GAK: variants seen among roughly 807,000 people sequenced by gnomAD.
GAK encodes cyclin-G-associated kinase.
GAK carries 79 observed loss-of-function variants against 143.9 expected under a neutral mutation model. The ratio of observed to expected loss-of-function variants is 0.55; its 90% CI spans 0.46 to 0.66. The LOEUF is 0.66. GAK is among the 30% of genes least tolerant of loss of function. GAK has a pLI of 0.00. For missense variants in GAK, 1,693 were observed against 1,779.7 expected, an observed-to-expected ratio of 0.95 and a Z score of 0.88; for synonymous variants, 881 against 765.5, an observed-to-expected ratio of 1.15 and a Z score of -2.49.
rs555363644 is a variant in GAK, at chr4:909,068, A to C, written c.382+2605T>G. Among the ~76,000 whole-genome samples the C allele has an allele frequency of 3.7e-3, 556 of 152,288 alleles. 3 individuals carry two copies. Among genetic ancestry groups the C allele is most frequent in the Non-Finnish European group, 6.1e-3 (416 of 68,026 alleles). On this transcript the variant is annotated intron_variant, in intron 4 of 27. Transcript: ENST00000314167. ...AGCCATGTTGGCCAGGCTAGTCTCG[A>C]ACTCCTCACCTCAAGCGATGCACCC...
chr4:903,556 G>C (rs1720378008), intron 5 of GAK, among the ~76,000 whole-genome samples: 2 of 145,044 alleles, frequency 1.4e-5, no homozygotes, highest in Admixed American at 1.4e-4. Context: ...GTGAGCAGGA[G>C]TTGGGGGCCT....
rs1277434123 is a variant in GAK at position 856,473 on chromosome 4, TCAC to T, written c.3283+3130_3283+3132del. Among the ~76,000 whole-genome samples the T allele has an allele frequency of 1.9e-3, 262 of 138,570 alleles. 2 individuals are homozygous for T. The highest frequency in any genetic ancestry group is 5.9e-3 in the African/African-American group (216 of 36,314). 90.9% of individuals were successfully genotyped at this position (138,570 alleles called of 152,430 possible). ...CACTACAGCTGCTCACCACAGCTGC[TCAC>T]CACCACAGCTGCTCACACCTACTCA... On this transcript the variant is annotated intron_variant, in intron 24 of 27. Transcript: ENST00000314167.
rs547163840 is a variant in GAK at position 893,733 on chromosome 4, C to T, written c.877+141G>A. Reference sequence around the variant, plus strand: ...AGGGGAGCTCTCTGGAAACCCCCCCCCCAGGGATGTTGTCAAAACTATGGT... The same window carrying T: ...AGGGGAGCTCTCTGGAAACCCCCCCTCCAGGGATGTTGTCAAAACTATGGT... On this transcript the variant is annotated intron_variant, in intron 8 of 27. Coordinates refer to ENST00000314167, the MANE Select transcript of GAK (RefSeq NM_005255.4). 4 of 1,082,984 alleles carry T rather than the reference C, an allele frequency of 3.7e-6. No homozygotes were observed. In the African/African-American group the frequency reaches 4.9e-5, roughly 13 times the overall value. 67.1% of individuals were successfully genotyped at this position (1,082,984 alleles called of 1,614,324 possible). A position where few individuals can be genotyped will look rare whatever the true frequency, so the allele number is the denominator to read the frequency against.
Position 911,800 on chromosome 4 carries a change from T to G in GAK, c.268-13A>C, listed in dbSNP as rs1185764613. 1.9e-6 allele frequency: 3 copies of G among 1,599,386 alleles called. No homozygotes were observed. The highest frequency in any genetic ancestry group is 2.6e-6 in the Non-Finnish European group (3 of 1,166,848). ...CGGAAAGCTTTTTCTGCAGTTGTCT[T>G]GTTAAAGGAGAACGTACATAACCAT... On this transcript the variant is annotated splice_polypyrimidine_tract_variant and intron_variant, in intron 3 of 27. Coordinates refer to ENST00000314167, the MANE Select transcript of GAK (RefSeq NM_005255.4).
chr4:931,769 T>G (rs1725863997), intron 1 of GAK, among the ~76,000 whole-genome samples: 1 of 150,314 alleles, frequency 6.7e-6, no homozygotes, highest in Non-Finnish European at 1.5e-5. Context: ...GACTTGACCC[T>G]ACTCTTATGA....
At chr4:882,874 G>A (rs1442653747) in intron 13 of GAK, 55 bp from the exon 14 acceptor site, 10 of 1,588,052 alleles carry the variant, frequency 6.3e-6, no homozygotes, top group Admixed American at 1.7e-5. Flanking sequence ...CCCCAGCCTT[G>A]GTCAGCTAGG....
At chr4:931,054 C>T (rs1334600970) in intron 1 of GAK, among the ~76,000 whole-genome samples, 1 of 152,194 alleles carries the variant, frequency 6.6e-6, no homozygotes, top group Non-Finnish European at 1.5e-5. Context: ...CTGTGTTTAG[C>T]CCATAAACTT....
intron 1 of GAK, among the ~76,000 whole-genome samples, chr4:917,106 T>C (rs989555301): frequency 1.3e-5 from 2 of 152,186 alleles, no homozygotes; most frequent in Non-Finnish European, 2.9e-5. Context: ...ATACAGTCAA[T>C]GTACAGAAAA....
chr4:912,243 T>C, intron 3 of GAK: 2 of 441,316 alleles, frequency 4.5e-6, no homozygotes, highest in Admixed American at 2.4e-5. Context: ...AGGAGGGACA[T>C]GTGGCAGTGG....
At chr4:916,396 A>G (rs1723094177) in intron 1 of GAK, among the ~76,000 whole-genome samples, 1 of 152,158 alleles carries the variant, frequency 6.6e-6, no homozygotes, top group African/African-American at 2.4e-5. Context: ...CTGGGACTAC[A>G]GGCATGCGTC....
Position 881,963 on chromosome 4 carries a change from G to T in GAK, c.1605C>A (p.Ala535=). 1 of 1,601,308 alleles carries T rather than the reference G, an allele frequency of 6.2e-7. No individual in the cohort carries two copies. Among genetic ancestry groups the T allele is most frequent in the Non-Finnish European group, 8.5e-7 (1 of 1,174,198 alleles). ...FCRLFSTAEA[A]VYMFSMKRCP... ...AGCGCTTCATGCTGAACATGTACAC[G>T]GCGGCCTCCGCGGTGCTGAAGAGAC... Residue 535 remains alanine (A), a synonymous_variant, in exon 15 of 28, where the codon GCC becomes GCA. Coordinates refer to ENST00000314167, the MANE Select transcript of GAK (RefSeq NM_005255.4).
intron 24 of GAK, chr4:852,283 G>A: frequency 2.3e-6 from 1 of 439,150 alleles, no homozygotes; most frequent in South Asian, 2.5e-5. Flanking sequence ...CACGGGGGTT[G>A]GGGCAGTGTC....
At chr4:895,982 C>T (rs1044135018) in intron 7 of GAK, among the ~76,000 whole-genome samples, 2 of 152,228 alleles carry the variant, frequency 1.3e-5, no homozygotes, top group South Asian at 4.1e-4. Flanking sequence ...CAAGGTTGGG[C>T]AGGGTGCAGT....
chr4:862,403 G>T (rs1198556983), intron 23 of GAK, among the ~76,000 whole-genome samples: 1 of 152,258 alleles, frequency 6.6e-6, no homozygotes, highest in African/African-American at 2.4e-5. Flanking sequence ...TCTCACGCCT[G>T]TAATCCCAGC....
At chr4:905,894 G>C (rs1302083123) in intron 4 of GAK, among the ~76,000 whole-genome samples, 1 of 152,380 alleles carries the variant, frequency 6.6e-6, no homozygotes, top group East Asian at 1.9e-4. Context: ...GCCCACCTCA[G>C]CCCCGTGTGT....
chr4:876,445 G>C, intron 18 of GAK, 85 bp downstream of exon 18: 1 of 1,194,076 alleles, frequency 8.4e-7, no homozygotes, highest in Admixed American at 1.7e-5. Flanking sequence ...CACTCCCCCT[G>C]GGGCTCCCAC....
chr4:919,149 G>A (rs1020197557), intron 1 of GAK, among the ~76,000 whole-genome samples: 3 of 149,374 alleles, frequency 2.0e-5, no homozygotes, highest in African/African-American at 5.0e-5. Flanking sequence ...AGGCCTCAGC[G>A]CCGCATGACC....
intron 4 of GAK, among the ~76,000 whole-genome samples, chr4:910,524 C>A (rs1363611581): frequency 6.6e-6 from 1 of 152,116 alleles, no homozygotes; most frequent in African/African-American, 2.4e-5. Flanking sequence ...ACATGCCCCT[C>A]CTGCTGCCCT....
chr4:913,720 T>C (rs764815788), intron 1 of GAK, 52 bp from the exon 2 acceptor site: 4 of 1,450,856 alleles, frequency 2.8e-6, no homozygotes, highest in Non-Finnish European at 3.9e-6. Flanking sequence ...ATTTAACATA[T>C]CAGGCTTTAA....
Sources: gnomAD v4.1 joint callset for allele counts (sites outside exome capture counted in the v4.1 genomes callset) on GRCh38, gnomAD v4.1.1 for gene constraint, MANE v1.5 for transcripts, NCBI Gene and HGNC (gene_info 2026-07-23, HGNC 2026-07-21) for gene names.